FERMT2: variants seen among roughly 807,000 people sequenced by gnomAD.
The protein encoded by FERMT2 is FERM domain containing kindlin 2.
Under a neutral mutation model 82.7 loss-of-function variants are expected in FERMT2, and 15 were observed. The observed-to-expected ratio is 0.18, with a 90% CI of 0.12 to 0.28. The LOEUF (loss-of-function observed/expected upper bound fraction) is 0.28, where lower values mean the gene tolerates loss of function less well. Ranked by LOEUF, FERMT2 falls within the 10% of genes least tolerant of loss-of-function variation. FERMT2 has a pLI of 1.00. For missense variants in FERMT2, 645 were observed against 809.4 expected, an observed-to-expected ratio of 0.80 and a Z score of 2.46; for synonymous variants, 274 against 271.5, an observed-to-expected ratio of 1.01 and a Z score of -0.09.
intron 3 of FERMT2, among the ~76,000 whole-genome samples, chr14:52,911,861 G>C (rs557551480): frequency 6.6e-6 from 1 of 152,134 alleles, no homozygotes; most frequent in Admixed American, 6.5e-5. Context: ...AGACCAATTA[G>C]CTGTTTTCTT....
intron 4 of FERMT2, among the ~76,000 whole-genome samples, chr14:52,892,456 GT>G (rs11281193): frequency 4.5e-5 from 6 of 133,394 alleles, no homozygotes; most frequent in East Asian, 2.2e-4. Context: ...GCTGTTTTTT[GT>G]TTTTTTTTTT....
In FERMT2 at chr14:52,883,847, A is replaced by C. The variant is rs1886428979; in HGVS notation, c.527-2378T>G. Among the ~76,000 whole-genome samples, 4 of 151,172 alleles carry C rather than the reference A, an allele frequency of 2.6e-5. No individual in the cohort carries two copies. The South Asian group carries it at 8.4e-4, about 32-fold the overall frequency. On this transcript the variant is annotated intron_variant, in intron 4 of 14. Coordinates refer to ENST00000341590, the MANE Select transcript of FERMT2 (RefSeq NM_006832.3). ...TGTTTAAAGTGTGTGGCACCTCCCC[A>C]CTCCCACCCCTACCTCCTGTTCCAG...
At chr14:52,926,515 A>G (rs1208786235) in intron 2 of FERMT2, among the ~76,000 whole-genome samples, 2 of 152,056 alleles carry the variant, frequency 1.3e-5, no homozygotes, top group Admixed American at 1.3e-4. Context: ...ATTCATCTGC[A>G]TTATAAAACC....
intron 2 of FERMT2, among the ~76,000 whole-genome samples, chr14:52,923,240 T>C (rs1162467080): frequency 2.6e-5 from 4 of 151,876 alleles, no homozygotes; most frequent in Admixed American, 2.6e-4. Flanking sequence ...TTTTACATAA[T>C]TTTATATAAA....
intron 3 of FERMT2, among the ~76,000 whole-genome samples, chr14:52,893,951 C>T (rs1379478809): frequency 6.6e-6 from 1 of 152,064 alleles, no homozygotes; most frequent in Non-Finnish European, 1.5e-5. Flanking sequence ...GCCTCAGCCT[C>T]CTGAACAGCT....
chr14:52,859,442 A>C (rs1453502442), intron 14 of FERMT2, 131 bp downstream of exon 14: 1 of 846,924 alleles, frequency 1.2e-6, no homozygotes, highest in Non-Finnish European at 1.7e-6. Context: ...ATGAATAGTC[A>C]ACCATGGTCT....
chr14:52,928,098 T>C (rs529696945), intron 2 of FERMT2: 1 of 294,502 alleles, frequency 3.4e-6, no homozygotes, highest in African/African-American at 2.2e-5. Flanking sequence ...GTTAAAATAT[T>C]ACTTTTAGGG....
At chr14:52,890,638 C>A (rs1222032964) in intron 4 of FERMT2, among the ~76,000 whole-genome samples, 1 of 143,348 alleles carries the variant, frequency 7.0e-6, no homozygotes, top group Non-Finnish European at 1.5e-5. Context: ...GAGTCTTGCT[C>A]TGTCGCCCAG....
intron 10 of FERMT2, among the ~76,000 whole-genome samples, chr14:52,868,241 T>C (rs572060772): frequency 2.0e-5 from 3 of 150,602 alleles, no homozygotes; most frequent in Admixed American, 6.6e-5. Flanking sequence ...AGATGGGGTC[T>C]GGCTATGTTG....
At chr14:52,928,006 A>G (rs1305843755) in intron 2 of FERMT2, 1 of 387,322 alleles carries the variant, frequency 2.6e-6, no homozygotes, top group Admixed American at 3.2e-5. Flanking sequence ...AAGAAAGTTG[A>G]TCAAATAACT....
At chr14:52,919,041 C>T in intron 3 of FERMT2, 82 bp downstream of exon 3, 1 of 924,508 alleles carries the variant, frequency 1.1e-6, no homozygotes, top group Non-Finnish European at 1.7e-6. Flanking sequence ...CATGCCCCAT[C>T]CCTTGGGATA....
At chr14:52,947,365 G>A (rs1022391881) in intron 2 of FERMT2, among the ~76,000 whole-genome samples, 28 of 152,158 alleles carry the variant, frequency 1.8e-4, no homozygotes, top group Non-Finnish European at 8.8e-5. Flanking sequence ...TGTAGTCCCA[G>A]CTACTCGGGA....
intron 6 of FERMT2, among the ~76,000 whole-genome samples, chr14:52,880,117 G>A (rs958790877): frequency 6.6e-6 from 1 of 152,070 alleles, no homozygotes. Context: ...AGAAAGCCAG[G>A]TGTGGCTGGG....
At chr14:52,950,739 C>G in intron 1 of FERMT2, 162 bp from the exon 2 acceptor site, 1 of 608,726 alleles carries the variant, frequency 1.6e-6, no homozygotes, top group South Asian at 2.1e-5. Flanking sequence ...GCGGGAGGAC[C>G]CTACGCCCCG....
At chr14:52,909,041 C>G (rs1442310461) in intron 3 of FERMT2, among the ~76,000 whole-genome samples, 1 of 152,100 alleles carries the variant, frequency 6.6e-6, no homozygotes, top group Admixed American at 6.6e-5. Flanking sequence ...CAGCTAAGGG[C>G]AGCCATATGA....
intron 4 of FERMT2, among the ~76,000 whole-genome samples, chr14:52,890,368 C>T (rs755663080): frequency 1.3e-3 from 198 of 149,266 alleles, no homozygotes; most frequent in Non-Finnish European, 2.3e-3. Flanking sequence ...CGCTTGAACC[C>T]AGGAGGCGGA....
chr14:52,913,473 A>G, intron 3 of FERMT2, among the ~76,000 whole-genome samples: 1 of 152,168 alleles, frequency 6.6e-6, no homozygotes, highest in East Asian at 1.9e-4. Context: ...TCCTGATTCA[A>G]AGTTCTAGGA....
In FERMT2 at chr14:52,874,345, T is replaced by C. The variant is rs1380979858; in HGVS notation, c.1099-119A>G. Reference sequence around the variant, plus strand: ...AACAGAATGACATAAAATACAATGATAAAGATTTAAACAACAAAATCACAT... The same window carrying C: ...AACAGAATGACATAAAATACAATGACAAAGATTTAAACAACAAAATCACAT... On this transcript the variant is annotated intron_variant, in intron 8 of 14. Coordinates refer to ENST00000341590, the MANE Select transcript of FERMT2 (RefSeq NM_006832.3). 1.4e-5 allele frequency: 8 copies of C among 552,300 alleles called. No homozygotes were observed. In the Admixed American group the frequency reaches 3.1e-4, roughly 22 times the overall value. The allele number at this position is 552,300 out of a possible 1,614,324, so 34.2% of individuals were successfully genotyped here.
intron 8 of FERMT2, among the ~76,000 whole-genome samples, chr14:52,874,919 G>T (rs143817056): frequency 2.5e-4 from 38 of 152,124 alleles, no homozygotes; most frequent in African/African-American, 8.2e-4. Flanking sequence ...GCCAGGTGTG[G>T]TGGTGCATGG....
Sources: allele counts gnomAD v4.1 joint callset (sites outside exome capture counted in the v4.1 genomes callset), GRCh38; gene constraint gnomAD v4.1.1; transcripts MANE v1.5; gene names NCBI Gene and HGNC (gene_info 2026-07-23, HGNC 2026-07-21).